Variants in RNF130 observed in about 807,000 individuals in gnomAD.
RNF130 encodes the protein E3 ubiquitin-protein ligase RNF130.
RNF130 carries 21 observed loss-of-function variants against 44.6 expected under a neutral mutation model. The ratio of observed to expected loss-of-function variants is 0.47; its 90% CI spans 0.33 to 0.68. The LOEUF is 0.68. RNF130 is among the 30% of genes least tolerant of loss of function. The pLI, the probability that RNF130 is intolerant of heterozygous loss-of-function variation, is 0.02. For missense variants in RNF130, 479 were observed against 560.6 expected, an observed-to-expected ratio of 0.85 and a Z score of 1.47; for synonymous variants, 214 against 210.4, an observed-to-expected ratio of 1.02 and a Z score of -0.15.
At chr5:180,065,092 A>C (rs922088882) in intron 1 of RNF130, among the ~76,000 whole-genome samples, 2 of 151,886 alleles carry the variant, frequency 1.3e-5, no homozygotes, top group African/African-American at 4.8e-5. Flanking sequence ...AATCCTAACC[A>C]ATGCTTGGAA....
chr5:179,998,366 C>T (rs1763249398), intron 3 of RNF130, among the ~76,000 whole-genome samples: 1 of 152,124 alleles, frequency 6.6e-6, no homozygotes, highest in African/African-American at 2.4e-5. Context: ...TGTAAATTTC[C>T]ATGTATTTGT....
chr5:179,913,743 G>A (rs1309560960), exon 8 of RNF130: 1 of 152,222 alleles, frequency 6.6e-6, no homozygotes, highest in Admixed American at 6.5e-5. Context: ...GAGCTTCGTG[G>A]CTACAGGGGG....
At chr5:180,004,265 ACC>A (rs768200524) in intron 3 of RNF130, among the ~76,000 whole-genome samples, 10 of 152,186 alleles carry the variant, frequency 6.6e-5, no homozygotes, top group Non-Finnish European at 1.3e-4. Flanking sequence ...GTAATACGCT[ACC>A]CACTCACTGA....
intron 1 of RNF130, among the ~76,000 whole-genome samples, chr5:180,058,872 T>A (rs1321217539): frequency 1.3e-5 from 2 of 152,114 alleles, no homozygotes; most frequent in Non-Finnish European, 2.9e-5. Flanking sequence ...GTATAATGGG[T>A]ATAGAGTTTC....
At chr5:179,955,871 G>C (rs760805076) in intron 8 of RNF130, among the ~76,000 whole-genome samples, 20 of 152,158 alleles carry the variant, frequency 1.3e-4, no homozygotes, top group Admixed American at 6.5e-4. Context: ...CCATCTTAGA[G>C]GTGCTTTAAT....
intron 3 of RNF130, among the ~76,000 whole-genome samples, chr5:180,010,570 G>A (rs1195316392): frequency 6.6e-6 from 1 of 152,166 alleles, no homozygotes; most frequent in Non-Finnish European, 1.5e-5. Context: ...ATGTTGGCCA[G>A]GCTGGTCTTG....
intron 7 of RNF130, among the ~76,000 whole-genome samples, chr5:179,939,018 C>G (rs1391256688): frequency 6.6e-6 from 1 of 152,140 alleles, no homozygotes; most frequent in African/African-American, 2.4e-5. Flanking sequence ...CACCTGAGGT[C>G]AGGAGTTCAA....
intron 1 of RNF130, among the ~76,000 whole-genome samples, chr5:180,048,868 A>G (rs1561707063): frequency 6.6e-6 from 1 of 152,142 alleles, no homozygotes; most frequent in Non-Finnish European, 1.5e-5. Context: ...AGAAAAAGCC[A>G]ACCCTCCAGG....
At chr5:180,016,564 T>C (rs1369920257) in intron 2 of RNF130, among the ~76,000 whole-genome samples, 2 of 152,196 alleles carry the variant, frequency 1.3e-5, no homozygotes, top group Non-Finnish European at 2.9e-5. Flanking sequence ...GTACTAACTG[T>C]CAGAGATGGC....
chr5:180,003,139 G>A (rs1763383682), intron 3 of RNF130, among the ~76,000 whole-genome samples: 1 of 152,070 alleles, frequency 6.6e-6, no homozygotes, highest in Non-Finnish European at 1.5e-5. Context: ...AGCAGCAGTA[G>A]GTAAAGAAAG....
intron 7 of RNF130, chr5:179,939,757 TC>T: frequency 2.3e-6 from 1 of 433,822 alleles, no homozygotes. Context: ...AACGACCCCC[TC>T]CCTTGGCGAC....
At chr5:180,017,267 C>T (rs11249664) in intron 2 of RNF130, among the ~76,000 whole-genome samples, 121,516 of 152,176 alleles carry the variant, frequency 0.8, 48,738 homozygotes, top group South Asian at 0.93. Flanking sequence ...AAGGTGATGG[C>T]GTGTCCCTCC....
intron 1 of RNF130, among the ~76,000 whole-genome samples, chr5:180,065,162 C>T (rs1472195132): frequency 1.3e-5 from 2 of 151,980 alleles, no homozygotes; most frequent in Non-Finnish European, 2.9e-5. Context: ...TTGCAAAGAC[C>T]TACTCGTTCC....
In RNF130 at chr5:180,063,158, T is replaced by C. The variant is rs112943408; in HGVS notation, c.247+8298A>G. 5.8e-3 allele frequency among the ~76,000 whole-genome samples: 889 copies of C among 152,308 alleles called. 7 individuals carry two copies. Among genetic ancestry groups the C allele is most frequent in the African/African-American group, 0.02 (841 of 41,566 alleles). Reference sequence around the variant, plus strand: ...GGGTTTAAGCAAGCAGTAACATGACTGGGTGAACCTTTAAGATTATTTTGG... The same window carrying C: ...GGGTTTAAGCAAGCAGTAACATGACCGGGTGAACCTTTAAGATTATTTTGG... On this transcript the variant is annotated intron_variant, in intron 1 of 8. Transcript: ENST00000521389.
intron 1 of RNF130, among the ~76,000 whole-genome samples, chr5:180,056,415 G>GA (rs1230132820): frequency 2.0e-5 from 3 of 152,204 alleles, no homozygotes; most frequent in Non-Finnish European, 4.4e-5. Flanking sequence ...CAGGTGTGGA[G>GA]AGAAACAGAC....
chr5:180,069,057 C>A (rs941937892), intron 1 of RNF130, among the ~76,000 whole-genome samples: 3 of 152,202 alleles, frequency 2.0e-5, no homozygotes, highest in African/African-American at 7.2e-5. Context: ...AATTTTAAAT[C>A]ATTTTCTTAA....
chr5:180,071,220 C>T lies in RNF130; in HGVS notation c.247+236G>A, dbSNP rs541854296. The stretch of plus-strand genomic sequence containing the variant: ...CTCCAGCAAACGAGCTGCCTGAACG[C>T]AAAGATGACCGTTCCAAGTCTTTTT... On this transcript the variant is annotated intron_variant, in intron 1 of 8. Coordinates refer to ENST00000521389, the MANE Select transcript of RNF130 (RefSeq NM_018434.6). Among the ~76,000 whole-genome samples, 16 of 152,336 alleles carry T rather than the reference C, an allele frequency of 1.1e-4. No individual in the cohort carries two copies. The East Asian group carries it at 3.1e-3, about 29-fold the overall frequency.
At chr5:179,924,831 T>G (rs1005626312) in intron 7 of RNF130, among the ~76,000 whole-genome samples, 3 of 151,950 alleles carry the variant, frequency 2.0e-5, no homozygotes, top group African/African-American at 7.3e-5. Flanking sequence ...TGGGATCAAT[T>G]CAAAAATGCT....
chr5:180,017,356 G>GT (rs1476422465), intron 2 of RNF130, among the ~76,000 whole-genome samples: 7 of 152,180 alleles, frequency 4.6e-5, no homozygotes, highest in African/African-American at 1.7e-4. Flanking sequence ...GGTTATTTTG[G>GT]TATCTGCCAG....
Sources: gnomAD v4.1 joint callset for allele counts (sites outside exome capture counted in the v4.1 genomes callset) on GRCh38, gnomAD v4.1.1 for gene constraint, MANE v1.5 for transcripts, NCBI Gene and HGNC (gene_info 2026-07-23, HGNC 2026-07-21) for gene names.